The following SYN3 variants were observed in gnomAD, a reference collection of about 807,000 sequenced individuals.
SYN3 encodes the protein synapsin III, also known as synapsin-3.
In SYN3, 35 loss-of-function variants were observed where a neutral mutation model predicts 65.8. The ratio of observed to expected loss-of-function variants is 0.53; its 90% CI spans 0.41 to 0.70. The LOEUF is 0.70. Among genes scored for constraint, SYN3 ranks in the 30% least tolerant of loss-of-function variants. SYN3 has a pLI of 0.00. For missense variants in SYN3, 680 were observed against 749.0 expected (o/e 0.91, Z 1.08); for synonymous variants, 270 against 292.9 (o/e 0.92, Z 0.80).
chr22:32,551,734 G>GCCC (rs2058418628), intron 7 of SYN3, among the ~76,000 whole-genome samples: 1 of 151,988 alleles, frequency 6.6e-6, no homozygotes, highest in Admixed American at 6.6e-5. Flanking sequence ...AAAAAAAGAA[G>GCCC]CTTTTGTGTG....
At chr22:32,620,906 G>C (rs1246387742) in intron 6 of SYN3, among the ~76,000 whole-genome samples, 2 of 152,018 alleles carry the variant, frequency 1.3e-5, no homozygotes, top group African/African-American at 2.4e-5. Flanking sequence ...TTTTAGTAGA[G>C]ACAGGGTTTC....
intron 7 of SYN3, among the ~76,000 whole-genome samples, chr22:32,547,387 T>C (rs916718222): frequency 6.6e-6 from 1 of 152,144 alleles, no homozygotes; most frequent in Non-Finnish European, 1.5e-5. Flanking sequence ...CTCCAGCCTC[T>C]CCCTTCCACC....
At chr22:32,529,678 C>T (rs1308292529) in intron 10 of SYN3, among the ~76,000 whole-genome samples, 2 of 152,162 alleles carry the variant, frequency 1.3e-5, no homozygotes, top group African/African-American at 4.8e-5. Context: ...GTCACACAGG[C>T]CAATGCTCCA....
Position 33,058,302 on chromosome 22 carries a change from G to T in SYN3, c.-173C>A, listed in dbSNP as rs1003665384. 6 of 151,484 alleles carry T rather than the reference G, an allele frequency of 4.0e-5. No individual in the cohort carries two copies. Among genetic ancestry groups the T allele is most frequent in the Non-Finnish European group, 8.9e-5 (6 of 67,672 alleles). The allele number at this position is 151,484 out of a possible 1,614,324, so 9.4% of individuals were successfully genotyped here. A position where few individuals can be genotyped will look rare whatever the true frequency, so the allele number is the denominator to read the frequency against. On this transcript the variant is annotated 5_prime_UTR_variant, in exon 1 of 14. Coordinates refer to ENST00000358763, the MANE Select transcript of SYN3 (RefSeq NM_003490.4). ...CGCCGCGCCGCTTACCGTGCGAGCC[G>T]CCAGGAACTCGGCGCCCGGTGGTGC...
intron 6 of SYN3, among the ~76,000 whole-genome samples, chr22:32,822,987 G>A (rs1375187130): frequency 1.3e-5 from 2 of 152,106 alleles, no homozygotes; most frequent in African/African-American, 4.8e-5. Context: ...AGAAGAGTCT[G>A]AATGTCTGTA....
intron 6 of SYN3, among the ~76,000 whole-genome samples, chr22:32,716,226 C>A (rs1348799067): frequency 6.6e-6 from 1 of 152,070 alleles, no homozygotes; most frequent in African/African-American, 2.4e-5. Flanking sequence ...GTACCTCATC[C>A]CTTCCTGTCT....
At chr22:32,536,892 G>A (rs949087332) in intron 9 of SYN3, among the ~76,000 whole-genome samples, 5 of 152,134 alleles carry the variant, frequency 3.3e-5, no homozygotes, top group South Asian at 2.1e-4. Context: ...CCCTTTCTGC[G>A]CAAACCAATT....
rs946004701 is a variant in SYN3, at chr22:32,938,702, G to A, written c.370-7221C>T. ...AGCACTTTGGGAGGCCAAGACGGGT[G>A]GATAACCTGAGGTCAGGAGTTCAAG... On this transcript the variant is annotated intron_variant, in intron 3 of 13. Coordinates refer to ENST00000358763, the MANE Select transcript of SYN3 (RefSeq NM_003490.4). Among the ~76,000 whole-genome samples, 8 of 152,232 alleles carry A rather than the reference G, an allele frequency of 5.3e-5. No individual in the cohort carries two copies. The East Asian group carries it at 1.2e-3, about 22-fold the overall frequency.
At chr22:32,995,942 C>T (rs551796599) in intron 2 of SYN3, among the ~76,000 whole-genome samples, 2 of 152,138 alleles carry the variant, frequency 1.3e-5, no homozygotes, top group African/African-American at 2.4e-5. Context: ...TGAGCCACCG[C>T]ATCCGGCCTT....
chr22:33,009,411 C>A (rs776864987), intron 1 of SYN3, among the ~76,000 whole-genome samples: 9 of 152,082 alleles, frequency 5.9e-5, no homozygotes, highest in Non-Finnish European at 1.2e-4. Context: ...AGTGACATAT[C>A]TTCTTTTGTG....
At chr22:32,858,211 C>G in intron 6 of SYN3, 3 of 1,592,646 alleles carry the variant, frequency 1.9e-6, no homozygotes, top group Non-Finnish European at 2.6e-6. Context: ...GCTCCCAATG[C>G]ACTGGGTGCC....
At chr22:32,615,944 G>A (rs1386105198) in intron 6 of SYN3, among the ~76,000 whole-genome samples, 2 of 152,228 alleles carry the variant, frequency 1.3e-5, no homozygotes, top group Non-Finnish European at 2.9e-5. Flanking sequence ...GTGAGTGAAC[G>A]TGTGGGAATG....
chr22:32,978,560 C>A (rs1159988919), intron 3 of SYN3, among the ~76,000 whole-genome samples: 2 of 152,142 alleles, frequency 1.3e-5, no homozygotes, highest in African/African-American at 4.8e-5. Flanking sequence ...TTGTTGACAT[C>A]CTATCCATTC....
At chr22:32,561,022 C>T (rs779010934) in intron 7 of SYN3, among the ~76,000 whole-genome samples, 9 of 152,184 alleles carry the variant, frequency 5.9e-5, no homozygotes, top group Non-Finnish European at 1.0e-4. Flanking sequence ...CGGATCCCGG[C>T]TTTCCCCTCC....
chr22:32,538,854 G>A (rs2058207529), intron 8 of SYN3, among the ~76,000 whole-genome samples: 1 of 152,098 alleles, frequency 6.6e-6, no homozygotes, highest in African/African-American at 2.4e-5. Flanking sequence ...CTGCATTAGT[G>A]TCCTCTCTTC....
chr22:32,947,087 TC>T (rs1266959813), intron 3 of SYN3, among the ~76,000 whole-genome samples: 1 of 152,198 alleles, frequency 6.6e-6, no homozygotes, highest in East Asian at 1.9e-4. Context: ...AGTCTGGAGA[TC>T]AGAGATCTAA....
At chr22:32,723,378 G>A (rs191865362) in intron 6 of SYN3, among the ~76,000 whole-genome samples, 1 of 152,354 alleles carries the variant, frequency 6.6e-6, no homozygotes, top group East Asian at 1.9e-4. Flanking sequence ...CTATACATGT[G>A]TTGGCTACTA....
intron 6 of SYN3, among the ~76,000 whole-genome samples, chr22:32,744,987 G>A (rs2044883491): frequency 6.6e-6 from 1 of 152,216 alleles, no homozygotes; most frequent in African/African-American, 2.4e-5. Flanking sequence ...CTCTGTGCTA[G>A]GCATTTCAGA....
intron 6 of SYN3, among the ~76,000 whole-genome samples, chr22:32,731,342 C>T (rs141957118): frequency 2.4e-4 from 37 of 152,126 alleles, no homozygotes; most frequent in Non-Finnish European, 4.1e-4. Context: ...TTGCACCCAA[C>T]TTTACTGGGT....
Sources: allele counts gnomAD v4.1 joint callset (sites outside exome capture counted in the v4.1 genomes callset), GRCh38; gene constraint gnomAD v4.1.1; transcripts MANE v1.5; gene names NCBI Gene and HGNC (gene_info 2026-07-23, HGNC 2026-07-21).